Variants in HS6ST3 observed in about 807,000 individuals in gnomAD.
HS6ST3 encodes the protein heparan sulfate 6-O-sulfotransferase 3.
Under a neutral mutation model 36.7 loss-of-function variants are expected in HS6ST3, and 12 were observed. The observed-to-expected ratio is 0.33, with a 90% CI of 0.21 to 0.53. HS6ST3 has a LOEUF of 0.53. Ranked by LOEUF, HS6ST3 falls within the 20% of genes least tolerant of loss-of-function variation. The pLI is 0.95. For synonymous variants in HS6ST3, 240 were observed against 257.5 expected (o/e 0.93, Z 0.65); for missense variants, 584 against 640.9 (o/e 0.91, Z 0.96).
chr13:96,547,807 T>C (rs1432679696), intron 1 of HS6ST3, among the ~76,000 whole-genome samples: 2 of 152,142 alleles, frequency 1.3e-5, no homozygotes, highest in Non-Finnish European at 2.9e-5. Context: ...TGCTTAGCAT[T>C]GCTTGGTCTG....
chr13:96,152,792 C>T (rs1264439513), intron 1 of HS6ST3, among the ~76,000 whole-genome samples: 2 of 152,090 alleles, frequency 1.3e-5, no homozygotes, highest in African/African-American at 2.4e-5. Flanking sequence ...AAGCTTACTT[C>T]TTTGGCAGTC....
intron 1 of HS6ST3, among the ~76,000 whole-genome samples, chr13:96,494,904 A>G (rs1219403231): frequency 6.6e-6 from 1 of 152,178 alleles, no homozygotes; most frequent in African/African-American, 2.4e-5. Flanking sequence ...ATGCTTAAGG[A>G]AATATAGCAA....
intron 1 of HS6ST3, among the ~76,000 whole-genome samples, chr13:96,570,219 A>G (rs965273488): frequency 6.6e-6 from 1 of 152,126 alleles, no homozygotes; most frequent in Non-Finnish European, 1.5e-5. Context: ...TGTTCATTTC[A>G]TCCTGATTTA....
At chr13:96,233,404 T>C (rs1231520308) in intron 1 of HS6ST3, among the ~76,000 whole-genome samples, 1 of 152,230 alleles carries the variant, frequency 6.6e-6, no homozygotes, top group African/African-American at 2.4e-5. Context: ...TACTGTACCA[T>C]TGAAAGCAAT....
intron 1 of HS6ST3, among the ~76,000 whole-genome samples, chr13:96,795,156 C>G (rs1478295884): frequency 3.9e-5 from 6 of 151,974 alleles, no homozygotes; most frequent in Non-Finnish European, 8.8e-5. Flanking sequence ...AAACCTTTCA[C>G]TCTTTTTTTT....
chr13:96,651,791 T>G (rs922406490), intron 1 of HS6ST3, among the ~76,000 whole-genome samples: 2 of 152,054 alleles, frequency 1.3e-5, no homozygotes, highest in African/African-American at 4.8e-5. Context: ...CAAAGTTCAT[T>G]TGGACTCCAG....
chr13:96,095,673 T>C (rs560970588), intron 1 of HS6ST3, among the ~76,000 whole-genome samples: 1 of 152,308 alleles, frequency 6.6e-6, no homozygotes, highest in East Asian at 1.9e-4. Flanking sequence ...GGGCAAATGT[T>C]CTTCATATCT....
chr13:96,221,258 G>T, intron 1 of HS6ST3, among the ~76,000 whole-genome samples: 1 of 152,090 alleles, frequency 6.6e-6, no homozygotes, highest in Non-Finnish European at 1.5e-5. Context: ...ATTTGTGTGG[G>T]GTACATATGA....
At chr13:96,405,692 G>A (rs2055473975) in intron 1 of HS6ST3, among the ~76,000 whole-genome samples, 1 of 152,090 alleles carries the variant, frequency 6.6e-6, no homozygotes. Context: ...ATTACCTATA[G>A]CATAGCAGAG....
chr13:96,445,183 G>T (rs1367610958), intron 1 of HS6ST3, among the ~76,000 whole-genome samples: 1 of 152,148 alleles, frequency 6.6e-6, no homozygotes, highest in Non-Finnish European at 1.5e-5. Context: ...CCTTTCTTCA[G>T]TGTAATTTTG....
intron 1 of HS6ST3, among the ~76,000 whole-genome samples, chr13:96,763,225 A>G (rs1179453337): frequency 6.6e-6 from 1 of 150,964 alleles, no homozygotes; most frequent in Non-Finnish European, 1.5e-5. Context: ...AAGTATATAT[A>G]TGAATATTTA....
chr13:96,260,985 C>G (rs562004190), intron 1 of HS6ST3, among the ~76,000 whole-genome samples: 1 of 152,176 alleles, frequency 6.6e-6, no homozygotes, highest in African/African-American at 2.4e-5. Context: ...CGTTAACCCC[C>G]TTTATAATGG....
At chr13:96,772,918 G>A (rs1877298737) in intron 1 of HS6ST3, among the ~76,000 whole-genome samples, 1 of 152,166 alleles carries the variant, frequency 6.6e-6, no homozygotes. Flanking sequence ...AGCTCCCAGC[G>A]AGATCAACAC....
chr13:96,739,440 T>C (rs1370053676), intron 1 of HS6ST3, among the ~76,000 whole-genome samples: 1 of 152,070 alleles, frequency 6.6e-6, no homozygotes, highest in Non-Finnish European at 1.5e-5. Flanking sequence ...AGCCTCCCAA[T>C]CTTAGGATAT....
intron 1 of HS6ST3, among the ~76,000 whole-genome samples, chr13:96,301,965 A>G (rs1358560185): frequency 1.3e-5 from 2 of 149,670 alleles, no homozygotes; most frequent in Non-Finnish European, 3.0e-5. Context: ...TAAGAAAAAT[A>G]TCTACCCTTT....
chr13:96,225,119 T>C (rs1273448742), intron 1 of HS6ST3, among the ~76,000 whole-genome samples: 1 of 152,226 alleles, frequency 6.6e-6, no homozygotes, highest in African/African-American at 2.4e-5. Flanking sequence ...AATGTGAATT[T>C]TGATCAGAGA....
At chr13:96,320,617 T>C (rs1026677061) in intron 1 of HS6ST3, among the ~76,000 whole-genome samples, 4 of 152,230 alleles carry the variant, frequency 2.6e-5, no homozygotes, top group African/African-American at 9.6e-5. Context: ...CTTTAAGTTT[T>C]CTCTACACTG....
At chr13:96,709,543 G>A (rs1875509761) in intron 1 of HS6ST3, among the ~76,000 whole-genome samples, 3 of 152,104 alleles carry the variant, frequency 2.0e-5, no homozygotes, top group African/African-American at 7.2e-5. Context: ...CCGTGAAAGT[G>A]GAGTCTTCAT....
chr13:96,641,200 A>C (rs533391), intron 1 of HS6ST3, among the ~76,000 whole-genome samples: 1 of 151,892 alleles, frequency 6.6e-6, no homozygotes, highest in Non-Finnish European at 1.5e-5. Context: ...TTTCATCAGC[A>C]TTTTAAATTT....
Sources: gnomAD v4.1 joint callset for allele counts (sites outside exome capture counted in the v4.1 genomes callset) on GRCh38, gnomAD v4.1.1 for gene constraint, MANE v1.5 for transcripts, NCBI Gene and HGNC (gene_info 2026-07-23, HGNC 2026-07-21) for gene names.